The following CPNE4 variants were observed in gnomAD, a reference collection of about 807,000 sequenced individuals.
CPNE4 encodes copine 4, also known as copine-4.
In CPNE4, 25 loss-of-function variants were observed where a neutral mutation model predicts 67.9. The ratio of observed to expected loss-of-function variants is 0.37; its 90% CI spans 0.27 to 0.51. CPNE4 has a LOEUF of 0.51. CPNE4 is among the 20% of genes least tolerant of loss of function. The pLI, the probability that CPNE4 is intolerant of heterozygous loss-of-function variation, is 0.93. For synonymous variants in CPNE4, 242 were observed against 244.9 expected, an observed-to-expected ratio of 0.99 and a Z score of 0.11; for missense variants, 464 against 690.8, an observed-to-expected ratio of 0.67 and a Z score of 3.68.
chr3:131,817,124 C>A (rs1018053885), intron 2 of CPNE4, among the ~76,000 whole-genome samples: 5 of 152,060 alleles, frequency 3.3e-5, no homozygotes, highest in Admixed American at 1.3e-4. Context: ...TGAGGAGGTG[C>A]AAATACTTTG....
intron 9 of CPNE4, among the ~76,000 whole-genome samples, chr3:131,575,521 A>G (rs951054184): frequency 6.6e-6 from 1 of 152,134 alleles, no homozygotes. Flanking sequence ...CATTCTTAAT[A>G]TGCAGGTAAT....
intron 2 of CPNE4, among the ~76,000 whole-genome samples, chr3:131,739,365 T>A (rs2082308736): frequency 1.3e-5 from 2 of 152,342 alleles, no homozygotes; most frequent in East Asian, 3.9e-4. Flanking sequence ...CACTTCTTGC[T>A]CACAGAGAAA....
In CPNE4 at chr3:131,830,001, G is replaced by A. The variant is rs1236325790; in HGVS notation, c.180+75263C>T. Among the ~76,000 whole-genome samples, 6 of 152,188 alleles carry A rather than the reference G, an allele frequency of 3.9e-5. No individual in the cohort carries two copies. In the East Asian group the frequency reaches 5.8e-4, roughly 15 times the overall value. ...TAGCAAGAAGTGGTGGTCATAATTC[G>A]GATCTACCTGGTCATAGAGGCAAAG... On this transcript the variant is annotated intron_variant, in intron 2 of 15. Transcript: ENST00000429747.
Position 131,958,815 on chromosome 3 carries a change from C to T in CPNE4, c.-1-53371G>A, listed in dbSNP as rs531871201. Among the ~76,000 whole-genome samples, 317 of 151,190 alleles carry T rather than the reference C, an allele frequency of 2.1e-3. 1 individual carries two copies. Among genetic ancestry groups the T allele is most frequent in the Admixed American group, 3.9e-3 (60 of 15,214 alleles). On this transcript the variant is annotated intron_variant, in intron 1 of 15. Coordinates refer to ENST00000429747, the MANE Select transcript of CPNE4 (RefSeq NM_130808.3). ...CTGGGATTATGGGTGCCCGCCACCA[C>T]GCCCAGCTAATTTTTTGTATTTTTA...
chr3:131,999,883 C>T (rs2073386092), intron 1 of CPNE4, among the ~76,000 whole-genome samples: 1 of 151,972 alleles, frequency 6.6e-6, no homozygotes, highest in Non-Finnish European at 1.5e-5. Flanking sequence ...CATTTTACTG[C>T]ATGTTTTTCA....
At chr3:131,707,937 G>T (rs544768173) in intron 3 of CPNE4, among the ~76,000 whole-genome samples, 12 of 152,252 alleles carry the variant, frequency 7.9e-5, no homozygotes, top group Admixed American at 6.5e-4. Flanking sequence ...CTGTGAAATG[G>T]TACTACTCCA....
chr3:131,668,286 T>C (rs1304609367), intron 7 of CPNE4, among the ~76,000 whole-genome samples: 1 of 152,174 alleles, frequency 6.6e-6, no homozygotes, highest in African/African-American at 2.4e-5. Flanking sequence ...AATCAAAAAA[T>C]TGTATCTGTC....
At chr3:131,943,272 T>C (rs2107863623) in intron 1 of CPNE4, among the ~76,000 whole-genome samples, 1 of 152,280 alleles carries the variant, frequency 6.6e-6, no homozygotes, top group South Asian at 2.1e-4. Context: ...AAGTCAGATT[T>C]TTCCACTGAG....
chr3:131,617,566 A>C (rs1940226719), intron 7 of CPNE4, among the ~76,000 whole-genome samples: 2 of 152,206 alleles, frequency 1.3e-5, no homozygotes, highest in South Asian at 4.1e-4. Context: ...TGTGTAGACT[A>C]AAATTTTCAA....
intron 2 of CPNE4, among the ~76,000 whole-genome samples, chr3:131,854,623 C>T (rs2086364901): frequency 6.6e-6 from 1 of 151,888 alleles, no homozygotes; most frequent in African/African-American, 2.4e-5. Context: ...CCAACATTTT[C>T]ACTGTCATCC....
chr3:131,721,343 CAA>C (rs58912595), intron 3 of CPNE4, among the ~76,000 whole-genome samples: 37 of 63,480 alleles, frequency 5.8e-4, no homozygotes, highest in Non-Finnish European at 6.5e-4. Context: ...AGCTTTGGAC[CAA>C]AAAAAAAAAA....
chr3:131,811,425 A>C (rs1437100894), intron 2 of CPNE4, among the ~76,000 whole-genome samples: 2 of 152,124 alleles, frequency 1.3e-5, no homozygotes, highest in African/African-American at 2.4e-5. Flanking sequence ...GAAATAATGT[A>C]AATATGTTGA....
chr3:131,556,741 T>C (rs959099263), intron 11 of CPNE4, among the ~76,000 whole-genome samples: 8 of 152,116 alleles, frequency 5.3e-5, no homozygotes, highest in African/African-American at 1.7e-4. Flanking sequence ...TCCTTTGGTT[T>C]GAGTTATCTT....
At chr3:131,852,854 TA>T (rs1170047609) in intron 2 of CPNE4, among the ~76,000 whole-genome samples, 1 of 151,388 alleles carries the variant, frequency 6.6e-6, no homozygotes, top group Non-Finnish European at 1.5e-5. Flanking sequence ...AATACAAAAA[TA>T]TAATAATTTA....
intron 2 of CPNE4, among the ~76,000 whole-genome samples, chr3:131,839,215 A>G (rs999765653): frequency 6.6e-6 from 1 of 151,974 alleles, no homozygotes; most frequent in Non-Finnish European, 1.5e-5. Flanking sequence ...GAAAGAAAAT[A>G]CTTGCATTAA....
intron 1 of CPNE4, among the ~76,000 whole-genome samples, chr3:131,931,261 G>A (rs748679685): frequency 6.6e-6 from 1 of 152,080 alleles, no homozygotes; most frequent in Non-Finnish European, 1.5e-5. Flanking sequence ...CTGCAAACAT[G>A]TTTCAAGACA....
intron 1 of CPNE4, among the ~76,000 whole-genome samples, chr3:131,969,258 C>T (rs553448103): frequency 3.3e-5 from 5 of 151,794 alleles, no homozygotes; most frequent in South Asian, 2.1e-4. Context: ...CTAATGCATG[C>T]GGGTCTTAAA....
chr3:131,859,883 G>T (rs928708955), intron 2 of CPNE4, among the ~76,000 whole-genome samples: 3 of 152,218 alleles, frequency 2.0e-5, no homozygotes, highest in Non-Finnish European at 4.4e-5. Context: ...TAAATAAATT[G>T]TACTAATACT....
At chr3:131,597,468 A>T (rs1366450838) in intron 7 of CPNE4, among the ~76,000 whole-genome samples, 1 of 152,164 alleles carries the variant, frequency 6.6e-6, no homozygotes. Context: ...AATAATAATT[A>T]AAAAAAGAAT....
Sources: gnomAD v4.1 joint callset for allele counts (sites outside exome capture counted in the v4.1 genomes callset) on GRCh38, gnomAD v4.1.1 for gene constraint, MANE v1.5 for transcripts, NCBI Gene and HGNC (gene_info 2026-07-23, HGNC 2026-07-21) for gene names.